Variants in PCDH15 observed in about 807,000 individuals in gnomAD.
PCDH15 encodes the protein protocadherin-15.
A neutral mutation model predicts 178.5 loss-of-function variants in PCDH15; 129 were observed. That is an observed-to-expected ratio of 0.72 (90% CI 0.63 to 0.84). PCDH15 has a LOEUF of 0.84. PCDH15 is among the 40% of genes least tolerant of loss of function. The pLI is 0.00. For synonymous variants in PCDH15, 800 were observed against 732.0 expected (o/e 1.09, Z -1.50); for missense variants, 2,230 against 2,099.9 (o/e 1.06, Z -1.21).
intron 3 of PCDH15, among the ~76,000 whole-genome samples, chr10:54,390,718 T>A (rs1216498107): frequency 6.6e-6 from 1 of 152,192 alleles, no homozygotes; most frequent in East Asian, 1.9e-4. Flanking sequence ...AAGTGGGTCA[T>A]GAAAAGAATT....
Position 55,459,241 on chromosome 10 carries a change from A to AAAAAAAG in PCDH15, c.-156+168383_-156+168384insCTTTTTT, listed in dbSNP as rs10647110. Among the ~76,000 whole-genome samples the AAAAAAAG allele has an allele frequency of 3.3e-4, 44 of 134,200 alleles. 4 individuals carry two copies. The highest frequency in any genetic ancestry group is 5.1e-4 in the Non-Finnish European group (33 of 64,580). The allele number at this position is 134,200 out of a possible 152,430, so 88.0% of individuals were successfully genotyped here. ...CGAGTGTCCTTGGAGGCAAAAAAAA[A>AAAAAAAG]AAAGAAGGAAAGAAAAAAATAAATC... On this transcript the variant is annotated intron_variant, in intron 2 of 5. Transcript: ENST00000613346.
At chr10:55,101,008 T>C (rs535923605) in intron 2 of PCDH15, among the ~76,000 whole-genome samples, 1 of 152,282 alleles carries the variant, frequency 6.6e-6, no homozygotes, top group African/African-American at 2.4e-5. Context: ...TTCAGTCCAA[T>C]TGTTTACTTT....
chr10:55,274,522 C>A (rs1321844988), intron 1 of PCDH15, among the ~76,000 whole-genome samples: 3 of 152,024 alleles, frequency 2.0e-5, no homozygotes, highest in African/African-American at 7.3e-5. Flanking sequence ...CTGATGACTC[C>A]ATTTTATTCA....
chr10:55,622,130 T>TG (rs576318476), intron 2 of PCDH15, among the ~76,000 whole-genome samples: 1 of 60,876 alleles, frequency 1.6e-5, no homozygotes, highest in African/African-American at 6.2e-5. Flanking sequence ...AATATATATA[T>TG]TATATATATT....
chr10:54,561,558 T>A (rs1157876476), intron 2 of PCDH15, among the ~76,000 whole-genome samples: 2 of 152,186 alleles, frequency 1.3e-5, no homozygotes, highest in South Asian at 2.1e-4. Context: ...TATGTACCAA[T>A]CAGCAGTGGT....
intron 3 of PCDH15, among the ~76,000 whole-genome samples, chr10:54,417,013 A>T (rs1419238869): frequency 6.6e-6 from 1 of 151,984 alleles, no homozygotes; most frequent in Non-Finnish European, 1.5e-5. Context: ...TGACTTCTGC[A>T]TGTTAAGCCT....
chr10:55,427,618 G>A (rs1838787938), intron 2 of PCDH15, among the ~76,000 whole-genome samples: 2 of 152,142 alleles, frequency 1.3e-5, no homozygotes, highest in South Asian at 4.1e-4. Flanking sequence ...ATGATCGAAT[G>A]CATCTTGGAG....
chr10:54,770,032 C>G (rs1948918885), intron 1 of PCDH15, among the ~76,000 whole-genome samples: 1 of 152,076 alleles, frequency 6.6e-6, no homozygotes, highest in South Asian at 2.1e-4. Flanking sequence ...CTTCAGTCAT[C>G]CTGAACGCAT....
intron 3 of PCDH15, among the ~76,000 whole-genome samples, chr10:54,896,764 A>C (rs771633978): frequency 8.5e-5 from 13 of 152,276 alleles, no homozygotes; most frequent in Admixed American, 3.9e-4. Context: ...AGCCACAAAT[A>C]AGTGAATTGG....
chr10:54,460,210 C>CATTT (rs1203210820), intron 3 of PCDH15, among the ~76,000 whole-genome samples: 1 of 151,972 alleles, frequency 6.6e-6, no homozygotes, highest in African/African-American at 2.4e-5. Context: ...TAACTAGATT[C>CATTT]ATTTATTTAT....
At chr10:55,295,362 C>T (rs113313785) in intron 1 of PCDH15, among the ~76,000 whole-genome samples, 1 of 152,330 alleles carries the variant, frequency 6.6e-6, no homozygotes, top group East Asian at 1.9e-4. Context: ...TTCAGCCTTG[C>T]GCACTTCCAC....
At chr10:54,684,755 G>C (rs2094962359) in intron 1 of PCDH15, among the ~76,000 whole-genome samples, 1 of 151,950 alleles carries the variant, frequency 6.6e-6, no homozygotes, top group Admixed American at 6.6e-5. Context: ...AAATCTAACA[G>C]CAACAATCAT....
intron 2 of PCDH15, among the ~76,000 whole-genome samples, chr10:55,598,513 AATATATATATAT>A (rs61184409): frequency 2.6e-3 from 217 of 83,338 alleles, no homozygotes; most frequent in African/African-American, 3.7e-3. Flanking sequence ...AGCAAACCCT[AATATATATATAT>A]ATATATATAT....
At chr10:54,085,659 T>C (rs1340833158) in intron 16 of PCDH15, among the ~76,000 whole-genome samples, 2 of 152,156 alleles carry the variant, frequency 1.3e-5, no homozygotes, top group Non-Finnish European at 1.5e-5. Flanking sequence ...GTATTACCAA[T>C]GTTTGTGATT....
At chr10:55,031,552 G>A (rs760929854) in intron 2 of PCDH15, among the ~76,000 whole-genome samples, 1 of 152,188 alleles carries the variant, frequency 6.6e-6, no homozygotes, top group South Asian at 2.1e-4. Flanking sequence ...CAACTGTAGG[G>A]CTTGGTGTCA....
chr10:54,062,770 C>T (rs865876345), intron 18 of PCDH15, among the ~76,000 whole-genome samples: 4 of 70,162 alleles, frequency 5.7e-5, no homozygotes, highest in African/African-American at 1.1e-4. Context: ...CTAGGAAAAG[C>T]GGGAAAAAAA....
chr10:55,026,731 G>C (rs1366842823), intron 2 of PCDH15, among the ~76,000 whole-genome samples: 1 of 151,970 alleles, frequency 6.6e-6, no homozygotes, highest in Non-Finnish European at 1.5e-5. Flanking sequence ...GCTTGAAGGA[G>C]AAGTCAATAT....
chr10:55,062,777 AACATATGTACC>A (rs1841466771), intron 2 of PCDH15, among the ~76,000 whole-genome samples: 1 of 152,156 alleles, frequency 6.6e-6, no homozygotes, highest in African/African-American at 2.4e-5. Flanking sequence ...CATCAATTGC[AACATATGTACC>A]ACTCTAGTGG....
At chr10:54,841,919 T>C (rs546262501) in intron 3 of PCDH15, among the ~76,000 whole-genome samples, 4 of 151,992 alleles carry the variant, frequency 2.6e-5, no homozygotes, top group African/African-American at 4.8e-5. Context: ...TTACCTGATA[T>C]AAACAATGTT....
Sources: allele counts gnomAD v4.1 joint callset (sites outside exome capture counted in the v4.1 genomes callset), GRCh38; gene constraint gnomAD v4.1.1; transcripts MANE v1.5; gene names NCBI Gene and HGNC (gene_info 2026-07-23, HGNC 2026-07-21).